AGXT2: variants seen among roughly 807,000 people sequenced by gnomAD.
AGXT2 encodes alanine--glyoxylate aminotransferase 2.
AGXT2 carries 61 observed loss-of-function variants against 62.5 expected under a neutral mutation model. That is an observed-to-expected ratio of 0.98 (90% confidence interval 0.79 to 1.21). AGXT2 has a LOEUF of 1.21. Among genes scored for constraint, AGXT2 ranks in the 50% most tolerant of loss-of-function variants. AGXT2 has a pLI of 0.00. For missense variants in AGXT2, 666 were observed against 641.5 expected, an observed-to-expected ratio of 1.04 and a Z score of -0.41; for synonymous variants, 243 against 218.7, an observed-to-expected ratio of 1.11 and a Z score of -0.98.
At chr5:35,023,761 C>T (rs147052872) in intron 9 of AGXT2, among the ~76,000 whole-genome samples, 32 of 152,326 alleles carry the variant, frequency 2.1e-4, no homozygotes, top group African/African-American at 7.5e-4. Context: ...TGTGGTACAC[C>T]AGGGACATCC....
intron 9 of AGXT2, among the ~76,000 whole-genome samples, chr5:35,018,873 A>C: frequency 6.9e-6 from 1 of 145,700 alleles, no homozygotes; most frequent in East Asian, 2.0e-4. Flanking sequence ...AAAAGGATGG[A>C]GGAAGATCTA....
chr5:35,037,147 A>G, intron 3 of AGXT2, 82 bp from the exon 4 acceptor site: 1 of 1,596,432 alleles, frequency 6.3e-7, no homozygotes, highest in Non-Finnish European at 8.5e-7. Context: ...ACCCAAATAT[A>G]CTGTTTTTTC....
At chr5:34,999,628 T>G (rs1302931040) in intron 13 of AGXT2, among the ~76,000 whole-genome samples, 1 of 152,190 alleles carries the variant, frequency 6.6e-6, no homozygotes, top group Non-Finnish European at 1.5e-5. Flanking sequence ...ACTTTTCTTG[T>G]TCATTGTCAG....
At position 35,033,599 on chromosome 5, in the gene AGXT2, A is replaced by G. The variant is rs1455137433; in HGVS notation, c.582-46T>C. ...GAGGATGGGGTCAAGTTCCTGGTCCACTGAGTAGGACAAAAGAGAAAACCC... is the reference window on the plus strand; with the variant it reads ...GAGGATGGGGTCAAGTTCCTGGTCCGCTGAGTAGGACAAAAGAGAAAACCC... On this transcript the variant is annotated intron_variant, in intron 5 of 13. Coordinates refer to ENST00000231420, the MANE Select transcript of AGXT2 (RefSeq NM_031900.4). The G allele has an allele frequency of 6.1e-6, 9 of 1,463,730 alleles. No homozygotes were observed. The East Asian group carries it at 9.1e-5, about 15-fold the overall frequency. The allele number at this position is 1,463,730 out of a possible 1,614,324, so 90.7% of individuals were successfully genotyped here.
intron 12 of AGXT2, among the ~76,000 whole-genome samples, chr5:35,005,448 C>T (rs1358313042): frequency 4.6e-5 from 7 of 152,074 alleles, no homozygotes; most frequent in Non-Finnish European, 8.8e-5. Context: ...AGGCTGGTCT[C>T]GAACTCCTGA....
chr5:35,014,943 A>T (rs1385157796), intron 9 of AGXT2, among the ~76,000 whole-genome samples: 1 of 152,178 alleles, frequency 6.6e-6, no homozygotes, highest in Non-Finnish European at 1.5e-5. Context: ...TGAGAACTGT[A>T]TCATGAGGAG....
At chr5:35,042,736 CTGTGTGTGTGTGTGTGTGTGTG>C (rs66463119) in intron 1 of AGXT2, among the ~76,000 whole-genome samples, 1 of 142,390 alleles carries the variant, frequency 7.0e-6, no homozygotes, top group African/African-American at 2.6e-5. Context: ...ATATGCATAC[CTGTGTGTGTGTGTGTGTGTGTG>C]TGTGTGTGTG....
In AGXT2 at chr5:35,025,785, C is replaced by T. The variant is rs570317170; in HGVS notation, c.941G>A (p.Gly314Glu). The change falls in exon 9 of 14, where the codon GGA (glycine) becomes GAA (glutamate). Residue 314 changes from glycine to glutamate, a missense_variant. Coordinates refer to ENST00000231420, the MANE Select transcript of AGXT2 (RefSeq NM_031900.4). ...KEAFELVRAR[G>E]GVCIADEVQT... is the part of the protein sequence containing the mutation. ...TACTTCATCTGCAATGCACACGCCT[C>T]CCCTTGCTCGCACCAGCTCAAAGGC... 6.2e-7 allele frequency: 1 copy of T among 1,614,140 alleles called. No homozygotes were observed. The highest frequency in any genetic ancestry group is 1.1e-5 in the South Asian group (1 of 91,082).
At chr5:34,999,637 A>G (rs1766154727) in intron 13 of AGXT2, among the ~76,000 whole-genome samples, 1 of 152,048 alleles carries the variant, frequency 6.6e-6, no homozygotes, top group Non-Finnish European at 1.5e-5. Context: ...GTTCATTGTC[A>G]GCGTCCTTTC....
intron 9 of AGXT2, among the ~76,000 whole-genome samples, chr5:35,019,518 G>A (rs1766984680): frequency 6.6e-6 from 1 of 152,144 alleles, no homozygotes; most frequent in African/African-American, 2.4e-5. Flanking sequence ...GATGTTCTTT[G>A]AAACCATTGA....
At chr5:35,026,225 G>A (rs1767341393) in intron 8 of AGXT2, 185 bp downstream of exon 8, 2 of 645,752 alleles carry the variant, frequency 3.1e-6, no homozygotes. Context: ...TGAGAATGGA[G>A]GAGAGGGTTT....
Position 35,025,757 on chromosome 5 carries a change from A to G in AGXT2, c.963+6T>C, listed in dbSNP as rs1187989870. The G allele has an allele frequency of 1.9e-6, 3 of 1,613,886 alleles. No homozygotes were observed. The highest frequency in any genetic ancestry group is 1.6e-4 in the Middle Eastern group (1 of 6,084). Reference sequence around the variant, plus strand: ...GCACTCAATGGCACCCTTACATGCCACTTACTTCATCTGCAATGCACACGC... The same window carrying G: ...GCACTCAATGGCACCCTTACATGCCGCTTACTTCATCTGCAATGCACACGC... On this transcript the variant is annotated splice_donor_region_variant and intron_variant, in intron 9 of 13. Transcript: ENST00000231420.
rs111495858 is a variant in AGXT2 at position 35,033,192 on chromosome 5, C to A, written c.675+268G>T. On this transcript the variant is annotated intron_variant, in intron 6 of 13. Transcript: ENST00000231420. Reference sequence around the variant, plus strand: ...GTGATGACTGCATAGAAGTTTTGTGCATTCAAGATTCTCAGAGCCTTGCAG... The same window carrying A: ...GTGATGACTGCATAGAAGTTTTGTGAATTCAAGATTCTCAGAGCCTTGCAG... 1.4e-3 allele frequency: 716 copies of A among 495,594 alleles called. 4 individuals carry two copies. Among genetic ancestry groups the A allele is most frequent in the African/African-American group, 0.012 (636 of 51,650 alleles). The allele number at this position is 495,594 out of a possible 1,614,324, so 30.7% of individuals were successfully genotyped here. A position where few individuals can be genotyped will look rare whatever the true frequency, so the allele number is the denominator to read the frequency against.
intron 9 of AGXT2, among the ~76,000 whole-genome samples, chr5:35,018,374 A>C (rs1026321705): frequency 2.6e-5 from 4 of 152,322 alleles, no homozygotes; most frequent in Admixed American, 1.3e-4. Context: ...CAGCAGATCT[A>C]TCGGCAGAAA....
chr5:35,003,329 CT>C (rs1766303313), intron 13 of AGXT2, among the ~76,000 whole-genome samples: 1 of 152,198 alleles, frequency 6.6e-6, no homozygotes, highest in Non-Finnish European at 1.5e-5. Context: ...GCCACTAAGG[CT>C]TAGCAGGGTC....
chr5:35,003,007 G>A (rs468327), intron 13 of AGXT2, among the ~76,000 whole-genome samples: 40,663 of 152,018 alleles, frequency 0.27, 5,761 homozygotes, highest in East Asian at 0.47. Flanking sequence ...TTAGGGAGGA[G>A]CAGAAGTTAC....
chr5:34,998,949 T>G, intron 13 of AGXT2, 123 bp from the exon 14 acceptor site: 1 of 774,676 alleles, frequency 1.3e-6, no homozygotes, highest in Non-Finnish European at 2.2e-6. Context: ...TTCTCTCAGT[T>G]TGGTTCCTCC....
chr5:35,028,580 AG>A (rs1767447236), intron 7 of AGXT2, among the ~76,000 whole-genome samples: 1 of 92,022 alleles, frequency 1.1e-5, no homozygotes, highest in Admixed American at 9.6e-5. Flanking sequence ...AGAGAGAGAG[AG>A]AGAGAGAGAG....
chr5:35,013,314 T>C (rs550311947), intron 10 of AGXT2, among the ~76,000 whole-genome samples: 1 of 152,308 alleles, frequency 6.6e-6, no homozygotes, highest in East Asian at 1.9e-4. Flanking sequence ...TGGGGCCCTA[T>C]CTAAGCCCAA....
Sources: allele counts gnomAD v4.1 joint callset (sites outside exome capture counted in the v4.1 genomes callset), GRCh38; gene constraint gnomAD v4.1.1; transcripts MANE v1.5; gene names NCBI Gene and HGNC (gene_info 2026-07-23, HGNC 2026-07-21).